Variants in CORO2B observed in about 807,000 individuals in gnomAD.
The protein encoded by CORO2B is coronin-2B.
In CORO2B, 26 loss-of-function variants were observed where a neutral mutation model predicts 58.8. That is an observed-to-expected ratio of 0.44 (90% CI 0.32 to 0.61). The LOEUF is 0.61. CORO2B is among the 20% of genes least tolerant of loss of function. The pLI is 0.04. For missense variants in CORO2B, 460 were observed against 645.1 expected (o/e 0.71, Z 3.11); for synonymous variants, 242 against 253.8 (o/e 0.95, Z 0.44).
Position 68,710,813 on chromosome 15 carries a change from C to T in CORO2B, c.415C>T (p.Arg139Cys). ...CCTGGAGCTGCACGGGCACAGCCGG[C>T]GTGTGGGGCTGGTCGAGTGGCACCC... is the stretch of plus-strand genomic sequence containing the variant. ...ALLELHGHSR[R>C]VGLVEWHPTT... Residue 139 changes from arginine (R) to cysteine (C), a missense_variant, in exon 4 of 12, where the codon CGT becomes TGT. This residue lies in a region of CORO2B where 352 missense variants were observed against 543.0 expected (regional missense o/e 0.65). Transcript: ENST00000261861. The surrounding 1 kb of genome is among the most constrained non-coding windows in gnomAD (Gnocchi z 4.1). 1 of 1,612,042 alleles carries T rather than the reference C, an allele frequency of 6.2e-7. No homozygotes were observed. Among genetic ancestry groups the T allele is most frequent in the Non-Finnish European group, 8.5e-7 (1 of 1,179,274 alleles).
At chr15:68,579,804 C>A (rs1899382596) in intron 1 of CORO2B, among the ~76,000 whole-genome samples, 1 of 152,234 alleles carries the variant, frequency 6.6e-6, no homozygotes, top group Non-Finnish European at 1.5e-5. Context: ...GTCCCGGGAG[C>A]CGCTACCAGA....
intron 1 of CORO2B, among the ~76,000 whole-genome samples, chr15:68,635,933 G>A (rs1901020071): frequency 6.6e-6 from 1 of 152,124 alleles, no homozygotes; most frequent in South Asian, 2.1e-4. Context: ...GAAAAATAAG[G>A]AGGAATGAGG....
the CORO2B span, among the ~76,000 whole-genome samples, chr15:68,539,735 A>T: frequency 7.2e-5 from 11 of 152,348 alleles, no homozygotes; most frequent in East Asian, 1.5e-3. Flanking sequence ...TTATTAATGC[A>T]TTTTTAAATA....
intron 5 of CORO2B, among the ~76,000 whole-genome samples, chr15:68,713,690 C>G (rs548873344): frequency 1.3e-5 from 2 of 152,310 alleles, no homozygotes; most frequent in East Asian, 3.9e-4. Flanking sequence ...AATCTTACCT[C>G]TCTCCCACAA....
At chr15:68,702,488 G>A (rs116538637) in intron 3 of CORO2B, among the ~76,000 whole-genome samples, 3,322 of 152,198 alleles carry the variant, frequency 0.022, 125 homozygotes, top group African/African-American at 0.074. Flanking sequence ...GGCAAACAGT[G>A]AGTCCAGTGC....
chr15:68,525,291 T>C, the CORO2B span, among the ~76,000 whole-genome samples: 2 of 152,222 alleles, frequency 1.3e-5, no homozygotes, highest in Non-Finnish European at 2.9e-5. Context: ...CAAACTTCAT[T>C]TTCAAAGTAA....
At chr15:68,598,100 C>T (rs1353206359) in intron 1 of CORO2B, among the ~76,000 whole-genome samples, 2 of 152,212 alleles carry the variant, frequency 1.3e-5, no homozygotes, top group African/African-American at 2.4e-5. Flanking sequence ...CTGGATCATC[C>T]ACCTTGTTCC....
At chr15:68,580,611 C>G (rs1899404702) in intron 1 of CORO2B, among the ~76,000 whole-genome samples, 1 of 152,160 alleles carries the variant, frequency 6.6e-6, no homozygotes, top group Non-Finnish European at 1.5e-5. Flanking sequence ...GCTTCCTCAG[C>G]TCTGGCTACT....
intron 2 of CORO2B, among the ~76,000 whole-genome samples, chr15:68,657,945 A>G (rs1286733552): frequency 2.0e-5 from 3 of 152,232 alleles, no homozygotes; most frequent in African/African-American, 7.2e-5. Flanking sequence ...GACAGGCAGA[A>G]CTGCTGTGGC....
chr15:68,683,283 T>A (rs974615240), intron 2 of CORO2B, among the ~76,000 whole-genome samples: 2 of 152,066 alleles, frequency 1.3e-5, no homozygotes, highest in African/African-American at 4.8e-5. Context: ...CTGTTTGGGG[T>A]CCAGCCATGG....
the CORO2B span, among the ~76,000 whole-genome samples, chr15:68,572,905 C>T: frequency 2.0e-5 from 3 of 152,130 alleles, no homozygotes; most frequent in Non-Finnish European, 2.9e-5. Flanking sequence ...AGGAGGCTGC[C>T]CTGGGGTTTC....
At chr15:68,529,359 C>T in the CORO2B span, among the ~76,000 whole-genome samples, 1 of 152,122 alleles carries the variant, frequency 6.6e-6, no homozygotes, top group Admixed American at 6.5e-5. Flanking sequence ...ACACAGGTCA[C>T]AATAGGTAAC....
chr15:68,683,954 A>G (rs1235172998), intron 2 of CORO2B, among the ~76,000 whole-genome samples: 2 of 152,138 alleles, frequency 1.3e-5, no homozygotes, highest in Non-Finnish European at 2.9e-5. Context: ...TGATGCCTGG[A>G]TAAGGAGTTT....
At chr15:68,588,034 A>G (rs1274701204) in intron 1 of CORO2B, among the ~76,000 whole-genome samples, 2 of 152,220 alleles carry the variant, frequency 1.3e-5, no homozygotes, top group Admixed American at 1.3e-4. Context: ...TTAGTAGTCT[A>G]TCTCTGTAGG....
intron 1 of CORO2B, among the ~76,000 whole-genome samples, chr15:68,613,513 G>T (rs1165909037): frequency 6.6e-6 from 1 of 152,140 alleles, no homozygotes; most frequent in African/African-American, 2.4e-5. Flanking sequence ...CTGGTGGCTG[G>T]CAAGGTTCTC....
chr15:68,713,866 C>T, intron 5 of CORO2B, 59 bp from the exon 6 acceptor site: 1 of 1,153,138 alleles, frequency 8.7e-7, no homozygotes, highest in Admixed American at 1.8e-5. Context: ...ACCATTCATG[C>T]CACTGCAGAA....
At chr15:68,656,248 G>A (rs117210367) in intron 2 of CORO2B, among the ~76,000 whole-genome samples, 1,542 of 149,912 alleles carry the variant, frequency 0.01, 8 homozygotes, top group Non-Finnish European at 0.017. Flanking sequence ...GAGGAAGAAG[G>A]GTTGGTCCCA....
intron 2 of CORO2B, among the ~76,000 whole-genome samples, chr15:68,651,301 A>G (rs144105623): frequency 1.3e-5 from 2 of 152,214 alleles, no homozygotes; most frequent in Non-Finnish European, 2.9e-5. Context: ...CAGGCGTGGG[A>G]CAGCCTCTAG....
chr15:68,703,440 C>G (rs1892708133), intron 3 of CORO2B, among the ~76,000 whole-genome samples: 2 of 150,888 alleles, frequency 1.3e-5, no homozygotes, highest in South Asian at 4.2e-4. Context: ...TGTGAGCCAC[C>G]TCGCCCAGCC....
Sources: allele counts gnomAD v4.1 joint callset (sites outside exome capture counted in the v4.1 genomes callset), GRCh38; gene constraint gnomAD v4.1.1; regional missense constraint gnomAD v4.1.1; non-coding constraint Gnocchi (gnomAD v3.1); transcripts MANE v1.5; gene names NCBI Gene and HGNC (gene_info 2026-07-23, HGNC 2026-07-21).